Variants in TLN2 observed in about 807,000 individuals in gnomAD.
TLN2 encodes the protein talin-2.
In TLN2, 118 loss-of-function variants were observed where a neutral mutation model predicts 294.7. The observed-to-expected ratio is 0.40, with a 90% CI of 0.34 to 0.47. The LOEUF (loss-of-function observed/expected upper bound fraction) is 0.47, where lower values mean the gene tolerates loss of function less well. Ranked by LOEUF, TLN2 falls within the 20% of genes least tolerant of loss-of-function variation. The pLI is 0.84. For synonymous variants in TLN2, 1,431 were observed against 1,304.5 expected, an observed-to-expected ratio of 1.10 and a Z score of -2.09; for missense variants, 3,083 against 3,282.2, an observed-to-expected ratio of 0.94 and a Z score of 1.48.
intron 3 of TLN2, among the ~76,000 whole-genome samples, chr15:62,619,466 T>C (rs2048586210): frequency 6.6e-6 from 1 of 152,196 alleles, no homozygotes; most frequent in Admixed American, 6.5e-5. Flanking sequence ...GTCATAAGAG[T>C]TGCACTCGAT....
At chr15:62,489,465 C>T (rs2038589078) in intron 1 of TLN2, among the ~76,000 whole-genome samples, 1 of 152,130 alleles carries the variant, frequency 6.6e-6, no homozygotes, top group Non-Finnish European at 1.5e-5. Flanking sequence ...TCATATAAAC[C>T]ATTAGTAATT....
rs1414923319 is a variant in TLN2 at position 62,692,927 on chromosome 15, A to G, written c.1201A>G (p.Ile401Val). ...ISQLIAGYIDIILKKKQSKDR... is the reference protein window; with the variant it reads ...ISQLIAGYIDVILKKKQSKDR... ...CCAGCTGATTGCAGGCTACATTGAC[A>G]TCATCCTGAAAAAGGTATTTTGTAT... is the stretch of plus-strand genomic sequence containing the variant. The change falls in exon 13 of 59, where the codon ATC becomes GTC. Residue 401 changes from isoleucine (I) to valine (V), a missense_variant. Coordinates refer to ENST00000636159, the MANE Select transcript of TLN2 (RefSeq NM_015059.3). The G allele has an allele frequency of 6.2e-7, 1 of 1,612,708 alleles. No homozygotes were observed. Among genetic ancestry groups the G allele is most frequent in the Non-Finnish European group, 8.5e-7 (1 of 1,179,468 alleles).
intron 28 of TLN2, among the ~76,000 whole-genome samples, chr15:62,735,693 A>G (rs192967949): frequency 6.6e-6 from 1 of 152,196 alleles, no homozygotes; most frequent in Non-Finnish European, 1.5e-5. Flanking sequence ...AAAGCTAAAT[A>G]TATACTTACT....
intron 9 of TLN2, among the ~76,000 whole-genome samples, chr15:62,664,408 G>A (rs2054277890): frequency 6.6e-6 from 1 of 152,028 alleles, no homozygotes; most frequent in African/African-American, 2.4e-5. Context: ...ATTTAAATGT[G>A]TGAAGACAAC....
In TLN2 at chr15:62,843,843, G is replaced by A. The variant is rs764254391; in HGVS notation, c.*3233G>A. On this transcript the variant is annotated 3_prime_UTR_variant, in exon 59 of 59. Transcript: ENST00000636159. ...GTCTCTGCTCCTGGGGAACTCACAC[G>A]CTGACCCCCGAGGAGCCTTGGTTTC... 1 of 152,130 alleles carries A rather than the reference G, an allele frequency of 6.6e-6. No homozygotes were observed. Among genetic ancestry groups the A allele is most frequent in the Non-Finnish European group, 1.5e-5 (1 of 68,044 alleles). The allele number at this position is 152,130 out of a possible 1,614,324, so 9.4% of individuals were successfully genotyped here.
chr15:62,789,554 G>GTT (rs1398959371), intron 45 of TLN2, among the ~76,000 whole-genome samples: 1 of 152,190 alleles, frequency 6.6e-6, no homozygotes, highest in Non-Finnish European at 1.5e-5. Context: ...ACACAAAAGT[G>GTT]TTGTTGAGGA....
At chr15:62,447,171 G>A (rs7179671) in intron 1 of TLN2, among the ~76,000 whole-genome samples, 9,858 of 31,658 alleles carry the variant, frequency 0.31, 893 homozygotes, top group African/African-American at 0.43. Context: ...TTATTTATTT[G>A]TTTATTTATT....
intron 3 of TLN2, among the ~76,000 whole-genome samples, chr15:62,620,826 TC>T (rs1567204701): frequency 7.0e-5 from 9 of 129,032 alleles, no homozygotes; most frequent in African/African-American, 3.1e-4. Context: ...CTTTTTTTTT[TC>T]TTTCTTTTTC....
intron 14 of TLN2, among the ~76,000 whole-genome samples, chr15:62,695,377 G>T (rs941751710): frequency 2.7e-4 from 41 of 152,190 alleles, no homozygotes; most frequent in Non-Finnish European, 7.3e-5. Context: ...CTTCCTGCTT[G>T]CCTTGATAAG....
intron 9 of TLN2, among the ~76,000 whole-genome samples, chr15:62,661,649 G>C (rs2053846517): frequency 6.6e-6 from 1 of 152,128 alleles, no homozygotes; most frequent in African/African-American, 2.4e-5. Context: ...AATAAACAGA[G>C]ATTCTCATTG....
rs1260597665 is a variant in TLN2 at position 62,686,671 on chromosome 15, C to T, written c.988C>T (p.Pro330Ser). The T allele has an allele frequency of 1.5e-5, 25 of 1,613,680 alleles. No homozygotes were observed. The highest frequency in any genetic ancestry group is 2.1e-5 in the Non-Finnish European group (25 of 1,179,866). Residue 330 changes from proline to serine, a missense_variant, in exon 12 of 59, where the codon CCT becomes TCT. Pro to Ser is a moderately conservative substitution (Grantham distance 74). Coordinates refer to ENST00000636159, the MANE Select transcript of TLN2 (RefSeq NM_015059.3). ...GATGAAAGGCAAGAACAAGCTGGTG[C>T]CTCGCCTGCTGGGGATCACCAAAGA... is the stretch of plus-strand genomic sequence containing the variant. ...EKMKGKNKLVPRLLGITKDSV... is the reference protein window; with the variant it reads ...EKMKGKNKLVSRLLGITKDSV...
At chr15:62,663,341 T>G (rs1487193929) in intron 9 of TLN2, among the ~76,000 whole-genome samples, 1 of 152,198 alleles carries the variant, frequency 6.6e-6, no homozygotes, top group Non-Finnish European at 1.5e-5. Flanking sequence ...TAAACAAGTA[T>G]GATAATTAAT....
intron 1 of TLN2, among the ~76,000 whole-genome samples, chr15:62,483,588 G>C (rs780302761): frequency 6.6e-6 from 1 of 152,130 alleles, no homozygotes; most frequent in African/African-American, 2.4e-5. Context: ...ACCTTGGGCC[G>C]CCTTGACTTC....
chr15:62,740,066 C>T (rs1290304164), intron 31 of TLN2, among the ~76,000 whole-genome samples: 7 of 141,216 alleles, frequency 5.0e-5, no homozygotes, highest in Non-Finnish European at 7.6e-5. Context: ...TTTTTTTCTG[C>T]GCTCCTTTGA....
At chr15:62,726,638 A>G (rs571120863) in intron 27 of TLN2, among the ~76,000 whole-genome samples, 1 of 152,222 alleles carries the variant, frequency 6.6e-6, no homozygotes, top group Non-Finnish European at 1.5e-5. Flanking sequence ...CATGCCAGGA[A>G]GGTGGTGCAG....
intron 19 of TLN2, among the ~76,000 whole-genome samples, chr15:62,704,102 C>T (rs1352732036): frequency 6.6e-6 from 1 of 152,132 alleles, no homozygotes; most frequent in Non-Finnish European, 1.5e-5. Context: ...AGGAATTCTA[C>T]AGAATTTCAT....
chr15:62,770,305 C>T (rs140772212), intron 41 of TLN2, among the ~76,000 whole-genome samples: 118 of 152,344 alleles, frequency 7.7e-4, no homozygotes, highest in African/African-American at 2.7e-3. Flanking sequence ...TGGCCCACAG[C>T]GCCCAGCTGG....
intron 1 of TLN2, among the ~76,000 whole-genome samples, chr15:62,452,992 C>A (rs2036246424): frequency 6.6e-6 from 1 of 152,224 alleles, no homozygotes; most frequent in Non-Finnish European, 1.5e-5. Flanking sequence ...TGAATTAAAT[C>A]TCAGATAAAC....
chr15:62,753,765 C>A lies in TLN2; in HGVS notation c.4333-8C>A. On this transcript the variant is annotated splice_polypyrimidine_tract_variant and splice_region_variant and intron_variant, in intron 35 of 58. Transcript: ENST00000636159. ...GCCTGAGCTGTGGTTTTTCTCTTCCCTTTCTAGGCTGCATACTTGGTTGGC... is the reference window on the plus strand; with the variant it reads ...GCCTGAGCTGTGGTTTTTCTCTTCCATTTCTAGGCTGCATACTTGGTTGGC... 6.3e-7 allele frequency: 1 copy of A among 1,597,646 alleles called. No homozygotes were observed. The highest frequency in any genetic ancestry group is 1.1e-5 in the South Asian group (1 of 88,430).
Sources: allele counts gnomAD v4.1 joint callset (sites outside exome capture counted in the v4.1 genomes callset), GRCh38; gene constraint gnomAD v4.1.1; transcripts MANE v1.5; gene names NCBI Gene and HGNC (gene_info 2026-07-23, HGNC 2026-07-21).